The following MPDZ variants were observed in gnomAD, a reference collection of about 807,000 sequenced individuals.
MPDZ encodes multiple PDZ domain protein.
A neutral mutation model predicts 239.1 loss-of-function variants in MPDZ; 234 were observed. That is an observed-to-expected ratio of 0.98 (90% CI 0.88 to 1.09). The LOEUF is 1.09. Among genes scored for constraint, MPDZ ranks in the 50% least tolerant of loss-of-function variants. The pLI is 0.00. For synonymous variants in MPDZ, 1,048 were observed against 881.3 expected, an observed-to-expected ratio of 1.19 and a Z score of -3.35; for missense variants, 3,175 against 2,510.0, an observed-to-expected ratio of 1.26 and a Z score of -5.66.
At chr9:13,154,062 G>C (rs1342694186) in intron 24 of MPDZ, among the ~76,000 whole-genome samples, 2 of 152,102 alleles carry the variant, frequency 1.3e-5, no homozygotes, top group Non-Finnish European at 2.9e-5. Context: ...AAGAAGAGAA[G>C]AGACACAGAG....
chr9:13,149,646 C>A (rs1291497536), intron 25 of MPDZ, among the ~76,000 whole-genome samples: 1 of 151,988 alleles, frequency 6.6e-6, no homozygotes, highest in Non-Finnish European at 1.5e-5. Flanking sequence ...CTGTGGGATG[C>A]CCAGAGCCTG....
chr9:13,182,630 T>G (rs772110725), intron 19 of MPDZ, among the ~76,000 whole-genome samples: 1 of 152,088 alleles, frequency 6.6e-6, no homozygotes, highest in African/African-American at 2.4e-5. Context: ...TGAAGAGATC[T>G]TTGATGAAAA....
intron 12 of MPDZ, 135 bp from the exon 13 acceptor site, chr9:13,196,365 A>G: frequency 2.0e-6 from 1 of 492,256 alleles, no homozygotes; most frequent in Non-Finnish European, 3.6e-6. Context: ...GGCTATTCTC[A>G]TCTCCATAAT....
At chr9:13,167,126 C>A (rs960002277) in intron 22 of MPDZ, among the ~76,000 whole-genome samples, 1 of 152,028 alleles carries the variant, frequency 6.6e-6, no homozygotes, top group Non-Finnish European at 1.5e-5. Context: ...TAAAACCCTG[C>A]GATAAATACA....
Position 13,206,091 on chromosome 9 carries a change from G to A in MPDZ, c.1299C>T (p.Gly433=). Residue 433 remains glycine, a synonymous_variant, in exon 11 of 47, where the codon GGC becomes GGT. Coordinates refer to ENST00000319217, the MANE Select transcript of MPDZ (RefSeq NM_001378778.1). ...QIGDQIIAVD[G]TNLQGFTNQQ... ...GATTAGTAAAACCCTGAAGGTTTGT[G>A]CCATCTACCTGTGATTAAAAAAAAA... is the stretch of plus-strand genomic sequence containing the variant. 2.5e-6 allele frequency: 4 copies of A among 1,598,638 alleles called. No individual in the cohort carries two copies. The highest frequency in any genetic ancestry group is 1.7e-6 in the Non-Finnish European group (2 of 1,174,856).
At chr9:13,161,279 G>C (rs1056788595) in intron 23 of MPDZ, among the ~76,000 whole-genome samples, 6 of 151,948 alleles carry the variant, frequency 3.9e-5, no homozygotes, top group African/African-American at 1.2e-4. Context: ...CTAAAGAATG[G>C]TACAACTCGA....
chr9:13,233,580 A>G (rs1349403658), intron 3 of MPDZ, among the ~76,000 whole-genome samples: 1 of 152,160 alleles, frequency 6.6e-6, no homozygotes, highest in Non-Finnish European at 1.5e-5. Context: ...TGAGGGTTAC[A>G]TGTATATTTA....
intron 1 of MPDZ, among the ~76,000 whole-genome samples, chr9:13,276,314 C>A (rs1046741928): frequency 2.0e-5 from 3 of 152,184 alleles, no homozygotes; most frequent in Admixed American, 2.0e-4. Context: ...TAGTCTTATT[C>A]TCCCACATGG....
chr9:13,162,176 A>T (rs1202708784), intron 23 of MPDZ, among the ~76,000 whole-genome samples: 1 of 151,842 alleles, frequency 6.6e-6, no homozygotes, highest in Non-Finnish European at 1.5e-5. Flanking sequence ...AGGTGGGAGG[A>T]TTGCATGAAC....
At chr9:13,165,458 A>T (rs1168066908) in intron 22 of MPDZ, 3 of 1,545,916 alleles carry the variant, frequency 1.9e-6, no homozygotes, top group Non-Finnish European at 8.7e-7. Context: ...GGTGTTAACA[A>T]ATGTCAATGT....
chr9:13,276,353 A>C (rs548321144), intron 1 of MPDZ, among the ~76,000 whole-genome samples: 1 of 152,192 alleles, frequency 6.6e-6, no homozygotes, highest in Non-Finnish European at 1.5e-5. Context: ...TAATCACAGT[A>C]TATCAATTTT....
chr9:13,256,546 T>C (rs1017489847), intron 1 of MPDZ, among the ~76,000 whole-genome samples: 4 of 152,210 alleles, frequency 2.6e-5, no homozygotes, highest in Non-Finnish European at 5.9e-5. Flanking sequence ...GGTTATTAAA[T>C]AGCCTAATTT....
At chr9:13,153,407 A>G (rs1384260584) in intron 24 of MPDZ, among the ~76,000 whole-genome samples, 1 of 152,134 alleles carries the variant, frequency 6.6e-6, no homozygotes, top group Non-Finnish European at 1.5e-5. Context: ...CTGTGACAGA[A>G]AAGAACCAAC....
In MPDZ at chr9:13,179,393, G is replaced by A. The variant is rs138145153; in HGVS notation, c.2650-2976C>T. ...AAAATTGCTTTTCATTAGCAAAAGA[G>A]GTCAAGTCGCCCTTGTTAGCTGGGG... On this transcript the variant is annotated intron_variant, in intron 19 of 46. Coordinates refer to ENST00000319217, the MANE Select transcript of MPDZ (RefSeq NM_001378778.1). 5.3e-5 allele frequency among the ~76,000 whole-genome samples: 8 copies of A among 152,244 alleles called. No homozygotes were observed. In the East Asian group the frequency reaches 9.7e-4, roughly 18 times the overall value.
chr9:13,114,694 G>A (rs879444461), intron 40 of MPDZ, among the ~76,000 whole-genome samples: 8 of 152,092 alleles, frequency 5.3e-5, no homozygotes, highest in African/African-American at 9.7e-5. Context: ...GAGGTCAGGC[G>A]TTTGAGACCA....
intron 24 of MPDZ, among the ~76,000 whole-genome samples, chr9:13,152,819 T>A (rs546245262): frequency 6.6e-6 from 1 of 152,092 alleles, no homozygotes; most frequent in African/African-American, 2.4e-5. Flanking sequence ...TGAATTCATA[T>A]GTAATAACTG....
At chr9:13,155,088 G>A (rs1426004181) in intron 24 of MPDZ, among the ~76,000 whole-genome samples, 2 of 149,866 alleles carry the variant, frequency 1.3e-5, no homozygotes, top group Non-Finnish European at 3.0e-5. Context: ...ATGGTGGTGC[G>A]CACCTGTAGT....
At chr9:13,119,455 T>A in intron 39 of MPDZ, 47 bp downstream of exon 39, 5 of 1,563,838 alleles carry the variant, frequency 3.2e-6, no homozygotes, top group Non-Finnish European at 4.3e-6. Flanking sequence ...TAAAATTATC[T>A]TTTTTCTTCT....
At chr9:13,230,219 A>G (rs545406862) in intron 3 of MPDZ, among the ~76,000 whole-genome samples, 1 of 152,306 alleles carries the variant, frequency 6.6e-6, no homozygotes, top group Non-Finnish European at 1.5e-5. Flanking sequence ...GTAAAATGGT[A>G]CACCCCACTG....
Sources: gnomAD v4.1 joint callset for allele counts (sites outside exome capture counted in the v4.1 genomes callset) on GRCh38, gnomAD v4.1.1 for gene constraint, MANE v1.5 for transcripts, NCBI Gene and HGNC (gene_info 2026-07-23, HGNC 2026-07-21) for gene names.